DDX60L: variants seen among roughly 807,000 people sequenced by gnomAD.
The protein encoded by DDX60L is DExD/H-box 60 like.
In DDX60L, 191 loss-of-function variants were observed where a neutral mutation model predicts 211.6. The ratio of observed to expected loss-of-function variants is 0.90; its 90% CI spans 0.80 to 1.02. The LOEUF is 1.02. Ranked by LOEUF, DDX60L falls within the 50% of genes least tolerant of loss-of-function variation. The pLI is 0.00. For missense variants in DDX60L, 2,007 were observed against 1,984.1 expected (o/e 1.01, Z -0.22); for synonymous variants, 706 against 694.1 (o/e 1.02, Z -0.27).
At chr4:168,404,463 T>C (rs922956259) in intron 24 of DDX60L, among the ~76,000 whole-genome samples, 1 of 152,082 alleles carries the variant, frequency 6.6e-6, no homozygotes, top group Non-Finnish European at 1.5e-5. Flanking sequence ...CTGCCAAATA[T>C]GTTAAGGAGT....
At position 168,427,209 on chromosome 4, in the gene DDX60L, C is replaced by T. The variant is rs750392884; in HGVS notation, c.1791G>A (p.Met597Ile). ...TTATTCCAGAATGTAAATTGTTCTT[C>T]ATCTCCTCTTCAATAGAAAACAGCA... ...DDLLFSIEEE[M>I]KNNLHSGIRK... is the part of the protein sequence containing the mutation. Residue 597 changes from methionine (M) to isoleucine (I), a missense_variant, in exon 14 of 38, where the codon ATG becomes ATA. By Grantham distance (10) the Met-to-Ile change is conservative (BLOSUM62 1). Coordinates refer to ENST00000682922, the MANE Select transcript of DDX60L (RefSeq NM_001012967.3). 5.6e-6 allele frequency: 9 copies of T among 1,613,430 alleles called. No individual in the cohort carries two copies. Among genetic ancestry groups the T allele is most frequent in the Non-Finnish European group, 6.8e-6 (8 of 1,179,652 alleles).
At chr4:168,391,477 C>T (rs1289189059) in intron 29 of DDX60L, 63 bp downstream of exon 29, 2 of 1,064,560 alleles carry the variant, frequency 1.9e-6, no homozygotes, top group African/African-American at 1.6e-5. Context: ...GATGTGAGTG[C>T]CACATGGTTC....
At position 168,387,753 on chromosome 4, in the gene DDX60L, T is replaced by C. The variant is rs142775297; in HGVS notation, c.3916-2941A>G. On this transcript the variant is annotated intron_variant, in intron 29 of 37. Transcript: ENST00000682922. ...ATCAAAAGCAAAGGAGAGAAAAGCA[T>C]TAAAGATGACTCCGGAGTGAAAAAG... Among the ~76,000 whole-genome samples, 156 of 152,250 alleles carry C rather than the reference T, an allele frequency of 1.0e-3. 2 individuals carry two copies. The East Asian group carries it at 0.019, about 18-fold the overall frequency.
At chr4:168,451,867 A>T (rs1288399570) in intron 8 of DDX60L, among the ~76,000 whole-genome samples, 1 of 152,108 alleles carries the variant, frequency 6.6e-6, no homozygotes, top group Non-Finnish European at 1.5e-5. Flanking sequence ...CCTCTCTTGA[A>T]AACCTTTTGC....
intron 36 of DDX60L, among the ~76,000 whole-genome samples, chr4:168,368,946 C>T (rs1402895096): frequency 6.6e-6 from 1 of 152,146 alleles, no homozygotes; most frequent in East Asian, 1.9e-4. Flanking sequence ...AACTAACTTG[C>T]TTTTGATTTT....
In DDX60L at chr4:168,386,668, CT is replaced by C. The variant is rs1199316208; in HGVS notation, c.3916-1857del. On this transcript the variant is annotated intron_variant, in intron 29 of 37. Coordinates refer to ENST00000682922, the MANE Select transcript of DDX60L (RefSeq NM_001012967.3). ...AACAACTGAGAAGTAGCAGATTCAACTAATCCCTGATGTTTTTTTAATCAAA... is the reference window on the plus strand; with the variant it reads ...AACAACTGAGAAGTAGCAGATTCAACAATCCCTGATGTTTTTTTAATCAAA... Among the ~76,000 whole-genome samples the C allele has an allele frequency of 6.4e-5, 5 of 78,712 alleles. No individual in the cohort carries two copies. The East Asian group carries it at 2.7e-3, about 42-fold the overall frequency. 51.6% of individuals were successfully genotyped at this position (78,712 alleles called of 152,430 possible).
chr4:168,407,827 GT>G (rs1748015699), intron 22 of DDX60L, among the ~76,000 whole-genome samples: 1 of 152,182 alleles, frequency 6.6e-6, no homozygotes, highest in African/African-American at 2.4e-5. Context: ...CTGGGGTTCT[GT>G]TTTTCTTGTC....
At position 168,470,712 on chromosome 4, in the gene DDX60L, C is replaced by T. The variant is rs140948596; in HGVS notation, c.264+1035G>A. On this transcript the variant is annotated intron_variant, in intron 4 of 37. Transcript: ENST00000682922. ...AAAATTAGCTGAGCATGGTGGCACGCGCCTGTAATCCCAGCTACTTGGGAG... is the reference window on the plus strand; with the variant it reads ...AAAATTAGCTGAGCATGGTGGCACGTGCCTGTAATCCCAGCTACTTGGGAG... The T allele has an allele frequency of 9.9e-3, 1,579 of 159,708 alleles. 20 individuals carry two copies. Among genetic ancestry groups the T allele is most frequent in the African/African-American group, 0.022 (904 of 41,616 alleles). 9.9% of individuals were successfully genotyped at this position (159,708 alleles called of 1,614,324 possible).
chr4:168,415,994 T>C (rs897138033), intron 20 of DDX60L, among the ~76,000 whole-genome samples, 195 bp from the exon 21 acceptor site: 1 of 152,196 alleles, frequency 6.6e-6, no homozygotes, highest in Non-Finnish European at 1.5e-5. Context: ...CCTTTCTCCA[T>C]CATAACATAG....
intron 10 of DDX60L, among the ~76,000 whole-genome samples, chr4:168,438,630 G>A (rs1024488126): frequency 2.6e-5 from 4 of 152,208 alleles, no homozygotes; most frequent in African/African-American, 9.6e-5. Flanking sequence ...CTCCAGACCT[G>A]TAAGAGAATA....
intron 17 of DDX60L, among the ~76,000 whole-genome samples, 157 bp downstream of exon 17, chr4:168,421,603 C>T (rs371128241): frequency 6.6e-6 from 1 of 152,162 alleles, no homozygotes; most frequent in East Asian, 1.9e-4. Context: ...TGCAGTGAGC[C>T]GAGATCGCGC....
intron 22 of DDX60L, among the ~76,000 whole-genome samples, chr4:168,413,798 A>G (rs1157311761): frequency 6.6e-6 from 1 of 152,192 alleles, no homozygotes; most frequent in Non-Finnish European, 1.5e-5. Context: ...TAAAACCCCT[A>G]GAGTGAGGAG....
chr4:168,378,619 G>T, intron 32 of DDX60L, 144 bp from the exon 33 acceptor site: 1 of 586,940 alleles, frequency 1.7e-6, no homozygotes, highest in Non-Finnish European at 2.9e-6. Context: ...GACCATATTT[G>T]CAATACTATG....
intron 29 of DDX60L, among the ~76,000 whole-genome samples, chr4:168,386,239 G>A (rs549579334): frequency 6.6e-6 from 1 of 152,120 alleles, no homozygotes; most frequent in South Asian, 2.1e-4. Flanking sequence ...ACCACACTTG[G>A]CACCACCAAC....
intron 36 of DDX60L, among the ~76,000 whole-genome samples, chr4:168,369,036 A>C (rs746853050): frequency 2.0e-5 from 3 of 152,182 alleles, no homozygotes; most frequent in Non-Finnish European, 4.4e-5. Context: ...TGCTGAAATG[A>C]GTTAAGACTC....
chr4:168,450,062 GC>G (rs1645574365), intron 8 of DDX60L, among the ~76,000 whole-genome samples: 1 of 152,110 alleles, frequency 6.6e-6, no homozygotes, highest in Non-Finnish European at 1.5e-5. Flanking sequence ...TGGGGACTCG[GC>G]GGCCCATGGA....
Position 168,395,980 on chromosome 4 carries a change from T to G in DDX60L, c.3636A>C (p.Glu1212Asp). Residue 1212 changes from glutamate (E) to aspartate (D), a missense_variant, in exon 27 of 38, where the codon GAA (glutamate) becomes GAC (aspartate). Glu to Asp is a conservative substitution (Grantham distance 45). Coordinates refer to ENST00000682922, the MANE Select transcript of DDX60L (RefSeq NM_001012967.3). ...GTACTGAGTCTTTATTCCTGGTAATTTCAGTGTGTAGGGCTTTGACATCAG... is the reference window on the plus strand; with the variant it reads ...GTACTGAGTCTTTATTCCTGGTAATGTCAGTGTGTAGGGCTTTGACATCAG... ...TYADVKALHTEITRNKDSTLE... is the reference protein window; with the variant it reads ...TYADVKALHTDITRNKDSTLE... 6.2e-7 allele frequency: 1 copy of G among 1,603,710 alleles called. No individual in the cohort carries two copies. The highest frequency in any genetic ancestry group is 8.5e-7 in the Non-Finnish European group (1 of 1,175,900).
intron 14 of DDX60L, among the ~76,000 whole-genome samples, chr4:168,424,133 T>C (rs749953021): frequency 1.2e-3 from 187 of 152,226 alleles, no homozygotes; most frequent in Non-Finnish European, 2.1e-3. Context: ...TTTGTGTGTC[T>C]TCTACTCTTG....
intron 6 of DDX60L, among the ~76,000 whole-genome samples, chr4:168,457,444 GAA>G (rs199842338): frequency 1.6e-5 from 2 of 128,048 alleles, no homozygotes; most frequent in Non-Finnish European, 3.4e-5. Flanking sequence ...TTGAGCATCA[GAA>G]AAAAAAAAAA....
Sources: allele counts gnomAD v4.1 joint callset (sites outside exome capture counted in the v4.1 genomes callset), GRCh38; gene constraint gnomAD v4.1.1; transcripts MANE v1.5; gene names NCBI Gene and HGNC (gene_info 2026-07-23, HGNC 2026-07-21).